The following NME7 variants were observed in gnomAD, a reference collection of about 807,000 sequenced individuals.
NME7 encodes NME/NM23 family member 7.
NME7 carries 41 observed loss-of-function variants against 49.1 expected under a neutral mutation model. The ratio of observed to expected loss-of-function variants is 0.83; its 90% CI spans 0.65 to 1.08. The LOEUF is 1.08. Ranked by LOEUF, NME7 falls within the 50% of genes least tolerant of loss-of-function variation. The pLI, the probability that NME7 is intolerant of heterozygous loss-of-function variation, is 0.00. For missense variants in NME7, 423 were observed against 463.4 expected, an observed-to-expected ratio of 0.91 and a Z score of 0.80; for synonymous variants, 139 against 150.6, an observed-to-expected ratio of 0.92 and a Z score of 0.56.
intron 10 of NME7, among the ~76,000 whole-genome samples, chr1:169,204,608 C>T (rs1187774962): frequency 2.0e-5 from 3 of 152,104 alleles, no homozygotes; most frequent in African/African-American, 4.8e-5. Context: ...ATGTCGCACT[C>T]TCTCGGAAAC....
chr1:169,342,580 A>ATATATATATACAAGTACATATATATAG (rs1557831224), intron 1 of NME7, among the ~76,000 whole-genome samples: 2 of 106,446 alleles, frequency 1.9e-5, no homozygotes, highest in African/African-American at 6.8e-5. Flanking sequence ...TATATAGTAT[A>ATATATATATACAAGTACATATATATAG]TATATATATA....
chr1:169,237,337 G>C (rs1308725347), intron 8 of NME7, among the ~76,000 whole-genome samples: 1 of 151,816 alleles, frequency 6.6e-6, no homozygotes, highest in Non-Finnish European at 1.5e-5. Flanking sequence ...TACAGTTTTT[G>C]GTCCTTATTT....
chr1:169,195,227 C>A (rs1660343285), intron 10 of NME7, among the ~76,000 whole-genome samples: 1 of 151,892 alleles, frequency 6.6e-6, no homozygotes, highest in Admixed American at 6.6e-5. Flanking sequence ...TTTTAAAATT[C>A]TTTAATTTTA....
chr1:169,173,402 A>C (rs1659659358), intron 10 of NME7, among the ~76,000 whole-genome samples: 1 of 152,176 alleles, frequency 6.6e-6, no homozygotes, highest in Non-Finnish European at 1.5e-5. Flanking sequence ...ATTATTATCC[A>C]TTAATAAACC....
intron 10 of NME7, among the ~76,000 whole-genome samples, chr1:169,181,653 C>T (rs1659936126): frequency 6.6e-6 from 1 of 152,118 alleles, no homozygotes; most frequent in African/African-American, 2.4e-5. Flanking sequence ...TGTCCTACCT[C>T]TTCCCCTCCT....
chr1:169,193,360 A>AT, intron 10 of NME7, among the ~76,000 whole-genome samples: 1 of 152,278 alleles, frequency 6.6e-6, no homozygotes, highest in East Asian at 1.9e-4. Flanking sequence ...AAAACGCCTT[A>AT]GTAATTACAT....
intron 1 of NME7, among the ~76,000 whole-genome samples, chr1:169,355,061 TATATATTATAGATATAATATATAATATAC>T (rs1653358391): frequency 2.9e-5 from 2 of 68,362 alleles, no homozygotes; most frequent in African/African-American, 1.2e-4. Flanking sequence ...TATAATATAC[TATATATTATAGATATAATATATAATATAC>T]TATATATTAT....
At chr1:169,349,595 A>G (rs1265214971) in intron 1 of NME7, among the ~76,000 whole-genome samples, 3 of 152,166 alleles carry the variant, frequency 2.0e-5, no homozygotes, top group Non-Finnish European at 4.4e-5. Context: ...CATTTCAAGA[A>G]TATCTTTCTC....
intron 4 of NME7, among the ~76,000 whole-genome samples, chr1:169,304,014 G>C (rs1651078772): frequency 6.6e-6 from 1 of 152,118 alleles, no homozygotes; most frequent in African/African-American, 2.4e-5. Flanking sequence ...AAAGCTGCCT[G>C]AGAAATTATG....
intron 11 of NME7, among the ~76,000 whole-genome samples, chr1:169,165,008 T>C (rs1477907519): frequency 6.6e-6 from 1 of 152,216 alleles, no homozygotes; most frequent in East Asian, 1.9e-4. Flanking sequence ...ATCAATGCTA[T>C]CTTTAACACA....
chr1:169,167,484 CTTA>C (rs1448958017), intron 11 of NME7, among the ~76,000 whole-genome samples: 1 of 151,716 alleles, frequency 6.6e-6, no homozygotes, highest in Non-Finnish European at 1.5e-5. Flanking sequence ...TTTCATTTAG[CTTA>C]TTTTGACACA....
intron 10 of NME7, among the ~76,000 whole-genome samples, chr1:169,180,941 A>G (rs1347950070): frequency 6.6e-6 from 1 of 152,144 alleles, no homozygotes; most frequent in Non-Finnish European, 1.5e-5. Flanking sequence ...GTAGAGACCT[A>G]GAGAATAGTA....
intron 11 of NME7, among the ~76,000 whole-genome samples, chr1:169,145,960 G>A (rs1262912686): frequency 6.6e-6 from 1 of 152,074 alleles, no homozygotes; most frequent in Non-Finnish European, 1.5e-5. Context: ...TGATTCAGAG[G>A]GTACATGTGT....
intron 3 of NME7, among the ~76,000 whole-genome samples, chr1:169,318,526 T>C (rs1651739710): frequency 6.6e-6 from 1 of 152,226 alleles, no homozygotes; most frequent in African/African-American, 2.4e-5. Flanking sequence ...TGTAAGTATG[T>C]AATTAGGTGA....
intron 11 of NME7, among the ~76,000 whole-genome samples, chr1:169,142,492 CATAA>C (rs982694996): frequency 9.2e-5 from 14 of 152,034 alleles, no homozygotes; most frequent in Non-Finnish European, 1.8e-4. Flanking sequence ...TACTTCTGTT[CATAA>C]ATAGAGGAAA....
intron 11 of NME7, among the ~76,000 whole-genome samples, chr1:169,153,875 T>A (rs539323739): frequency 5.9e-5 from 9 of 152,000 alleles, no homozygotes; most frequent in South Asian, 2.1e-4. Flanking sequence ...ATTTTTTTTT[T>A]TTTTTTATTT....
chr1:169,280,957 T>C (rs1373065260), intron 7 of NME7, among the ~76,000 whole-genome samples: 2 of 152,128 alleles, frequency 1.3e-5, no homozygotes, highest in Non-Finnish European at 2.9e-5. Context: ...TGGTTCCATA[T>C]GAAGTTTAAA....
At chr1:169,251,105 T>G (rs545584933) in intron 7 of NME7, among the ~76,000 whole-genome samples, 2 of 152,250 alleles carry the variant, frequency 1.3e-5, no homozygotes, top group African/African-American at 4.8e-5. Context: ...ATTTCATGTC[T>G]ATCTCATGTC....
intron 10 of NME7, among the ~76,000 whole-genome samples, chr1:169,184,938 G>A (rs1660026587): frequency 6.6e-6 from 1 of 152,160 alleles, no homozygotes; most frequent in South Asian, 2.1e-4. Flanking sequence ...GCAAGCTGGT[G>A]CAAGCTGACT....
Sources: gnomAD v4.1 joint callset for allele counts (sites outside exome capture counted in the v4.1 genomes callset) on GRCh38, gnomAD v4.1.1 for gene constraint, MANE v1.5 for transcripts, NCBI Gene and HGNC (gene_info 2026-07-23, HGNC 2026-07-21) for gene names.